The following DIAPH3 variants were observed in gnomAD, a reference collection of about 807,000 sequenced individuals.
DIAPH3 encodes the protein diaphanous related formin 3, also known as protein diaphanous homolog 3.
A neutral mutation model predicts 144.3 loss-of-function variants in DIAPH3; 117 were observed. That is an observed-to-expected ratio of 0.81 (90% CI 0.70 to 0.95). The LOEUF (loss-of-function observed/expected upper bound fraction) is 0.95, where lower values mean the gene tolerates loss of function less well. Ranked by LOEUF, DIAPH3 falls within the 40% of genes least tolerant of loss-of-function variation. The pLI, the probability that DIAPH3 is intolerant of heterozygous loss-of-function variation, is 0.00. For missense variants in DIAPH3, 1,421 were observed against 1,412.7 expected (o/e 1.01, Z -0.09); for synonymous variants, 519 against 488.9 (o/e 1.06, Z -0.81).
chr13:60,071,488 A>G (rs911863835), intron 4 of DIAPH3, among the ~76,000 whole-genome samples: 1 of 152,220 alleles, frequency 6.6e-6, no homozygotes, highest in Non-Finnish European at 1.5e-5. Flanking sequence ...ACTAAACAGA[A>G]TTTAAGAACC....
intron 3 of DIAPH3, among the ~76,000 whole-genome samples, chr13:60,095,402 A>G (rs1298238201): frequency 6.6e-6 from 1 of 152,184 alleles, no homozygotes; most frequent in Non-Finnish European, 1.5e-5. Flanking sequence ...ATACTCACTT[A>G]AACTCACTTA....
At chr13:59,865,150 CCT>C (rs1360277889) in intron 21 of DIAPH3, among the ~76,000 whole-genome samples, 1 of 151,944 alleles carries the variant, frequency 6.6e-6, no homozygotes, top group African/African-American at 2.4e-5. Flanking sequence ...CTCTCCCTCC[CCT>C]CTCTCTAACC....
At chr13:59,961,159 T>C (rs764695658) in intron 17 of DIAPH3, among the ~76,000 whole-genome samples, 9 of 152,208 alleles carry the variant, frequency 5.9e-5, no homozygotes, top group South Asian at 2.1e-4. Flanking sequence ...ACTTGTTACA[T>C]TGTGGAAGAT....
At chr13:59,923,447 C>T (rs998921866) in intron 18 of DIAPH3, among the ~76,000 whole-genome samples, 2 of 152,096 alleles carry the variant, frequency 1.3e-5, no homozygotes, top group African/African-American at 4.8e-5. Context: ...ACAAAAAACA[C>T]AAAATCTCTG....
intron 27 of DIAPH3, among the ~76,000 whole-genome samples, chr13:59,722,521 C>T (rs962439891): frequency 2.6e-5 from 4 of 152,118 alleles, no homozygotes; most frequent in African/African-American, 4.8e-5. Context: ...GTGGAGGCCA[C>T]GTTTTTGTGG....
intron 20 of DIAPH3, among the ~76,000 whole-genome samples, chr13:59,901,746 C>T (rs374061564): frequency 3.8e-4 from 58 of 152,290 alleles, no homozygotes; most frequent in Admixed American, 6.5e-4. Context: ...GAAAATTTAT[C>T]AGACAATGGT....
intron 22 of DIAPH3, among the ~76,000 whole-genome samples, chr13:59,853,097 A>G (rs1048664211): frequency 9.2e-5 from 14 of 152,318 alleles, no homozygotes; most frequent in African/African-American, 3.4e-4. Context: ...CAGACAGAAT[A>G]AGAAACTTGT....
At chr13:60,106,835 T>C (rs1222020526) in intron 3 of DIAPH3, among the ~76,000 whole-genome samples, 3 of 152,152 alleles carry the variant, frequency 2.0e-5, no homozygotes, top group Non-Finnish European at 4.4e-5. Context: ...GCTGTTTACA[T>C]TTGTTTACTT....
At chr13:59,968,452 A>C (rs2140550139) in intron 17 of DIAPH3, among the ~76,000 whole-genome samples, 1 of 152,342 alleles carries the variant, frequency 6.6e-6, no homozygotes, top group African/African-American at 2.4e-5. Context: ...GATTGCCAGA[A>C]GAGTACACTA....
At chr13:60,055,515 A>G (rs558377760) in intron 4 of DIAPH3, among the ~76,000 whole-genome samples, 3 of 152,040 alleles carry the variant, frequency 2.0e-5, no homozygotes, top group Admixed American at 2.0e-4. Context: ...TTAAGCCTCA[A>G]AAAGGATATA....
At chr13:60,141,690 A>G (rs1183990963) in intron 1 of DIAPH3, among the ~76,000 whole-genome samples, 1 of 152,246 alleles carries the variant, frequency 6.6e-6, no homozygotes, top group Non-Finnish European at 1.5e-5. Context: ...TTGACAAGGG[A>G]GAGATCAATA....
chr13:60,039,822 G>A (rs2055502332), intron 5 of DIAPH3, among the ~76,000 whole-genome samples: 1 of 152,078 alleles, frequency 6.6e-6, no homozygotes, highest in Non-Finnish European at 1.5e-5. Flanking sequence ...GATTCAAAGA[G>A]CAGGCATATC....
chr13:60,076,685 A>G (rs2057393725), intron 4 of DIAPH3, among the ~76,000 whole-genome samples: 1 of 152,104 alleles, frequency 6.6e-6, no homozygotes, highest in African/African-American at 2.4e-5. Flanking sequence ...TTCTGCAACA[A>G]TGAATCACTT....
rs2058586262 is a variant in DIAPH3, at chr13:60,112,176, AATTTGTCCAGCT to A, written c.214-2_223del. 6.2e-7 allele frequency: 1 copy of A among 1,613,870 alleles called. No homozygotes were observed. Among genetic ancestry groups the A allele is most frequent in the Non-Finnish European group, 8.5e-7 (1 of 1,180,008 alleles). On this transcript the variant is annotated splice_acceptor_variant and coding_sequence_variant, in exon 3 of 28. Coordinates refer to ENST00000400324, the MANE Select transcript of DIAPH3 (RefSeq NM_001042517.2). LOFTEE classifies it high-confidence loss of function. ...GCTCCCTGGAATTCTTATGCTGGCA[AATTTGTCCAGCT>A]ACAAAGAAAGACAGAATGACACACG...
chr13:60,105,125 A>AAAAAAAG (rs2058383698), intron 3 of DIAPH3, among the ~76,000 whole-genome samples: 1 of 148,538 alleles, frequency 6.7e-6, no homozygotes, highest in African/African-American at 2.5e-5. Flanking sequence ...AAAAAAAAAA[A>AAAAAAAG]CTGCCAGTGA....
intron 4 of DIAPH3, among the ~76,000 whole-genome samples, chr13:60,057,039 G>A (rs570148203): frequency 1.5e-4 from 23 of 151,894 alleles, no homozygotes; most frequent in African/African-American, 4.8e-4. Context: ...ATTCAACACC[G>A]TACTGGAAGT....
At chr13:59,978,470 A>C (rs1050847457) in intron 14 of DIAPH3, among the ~76,000 whole-genome samples, 3 of 151,744 alleles carry the variant, frequency 2.0e-5, no homozygotes, top group Admixed American at 6.6e-5. Flanking sequence ...CTAGACTAAA[A>C]TTCATAAGGA....
At chr13:59,902,547 G>GC (rs1268064564) in intron 20 of DIAPH3, among the ~76,000 whole-genome samples, 1 of 152,142 alleles carries the variant, frequency 6.6e-6, no homozygotes, top group Non-Finnish European at 1.5e-5. Flanking sequence ...GCCAAGGCAG[G>GC]CAGATCCCTT....
At chr13:60,010,255 T>G (rs1223169293) in intron 8 of DIAPH3, among the ~76,000 whole-genome samples, 3 of 152,132 alleles carry the variant, frequency 2.0e-5, no homozygotes, top group African/African-American at 7.2e-5. Context: ...CATTTAGAAT[T>G]TTTTTTAATT....
Sources: allele counts gnomAD v4.1 joint callset (sites outside exome capture counted in the v4.1 genomes callset), GRCh38; gene constraint gnomAD v4.1.1; transcripts MANE v1.5; gene names NCBI Gene and HGNC (gene_info 2026-07-23, HGNC 2026-07-21).